The following PRKN variants were observed in gnomAD, a reference collection of about 807,000 sequenced individuals.
The protein encoded by PRKN is parkin RBR E3 ubiquitin protein ligase.
Under a neutral mutation model 59.5 loss-of-function variants are expected in PRKN, and 56 were observed. The observed-to-expected ratio is 0.94, with a 90% CI of 0.76 to 1.18. PRKN has a LOEUF of 1.18. Among genes scored for constraint, PRKN ranks in the 50% most tolerant of loss-of-function variants. The probability of loss-of-function intolerance (pLI) is 0.00; values close to 1 mark genes in which losing one functional copy is unlikely to be tolerated. For synonymous variants in PRKN, 250 were observed against 222.1 expected (o/e 1.13, Z -1.12); for missense variants, 657 against 596.4 (o/e 1.10, Z -1.06).
chr6:162,199,613 T>A (rs2128329697), intron 4 of PRKN, among the ~76,000 whole-genome samples: 1 of 152,254 alleles, frequency 6.6e-6, no homozygotes, highest in African/African-American at 2.4e-5. Context: ...AAGCAACCCC[T>A]CTTGGGGACA....
intron 1 of PRKN, among the ~76,000 whole-genome samples, chr6:162,597,079 G>A (rs1255676446): frequency 2.0e-5 from 3 of 152,054 alleles, no homozygotes; most frequent in Non-Finnish European, 4.4e-5. Context: ...AAAAATAAAC[G>A]AACCATTAAA....
At chr6:162,008,486 G>A (rs1185522020) in intron 5 of PRKN, among the ~76,000 whole-genome samples, 3 of 152,130 alleles carry the variant, frequency 2.0e-5, no homozygotes, top group Non-Finnish European at 2.9e-5. Flanking sequence ...ACAGTGTATC[G>A]AAATGCATCA....
At chr6:161,610,611 C>G (rs779420447) in intron 7 of PRKN, among the ~76,000 whole-genome samples, 3 of 151,544 alleles carry the variant, frequency 2.0e-5, no homozygotes, top group Non-Finnish European at 4.4e-5. Context: ...ACACCTCAAA[C>G]AACCCAGGAT....
At position 162,228,028 on chromosome 6, in the gene PRKN, G is replaced by A. The variant is rs1778257832; in HGVS notation, c.413-26776C>T. On this transcript the variant is annotated intron_variant, in intron 3 of 11. Coordinates refer to ENST00000366898, the MANE Select transcript of PRKN (RefSeq NM_004562.3). The stretch of plus-strand genomic sequence containing the variant: ...TCTCATGTTTGGTGGTGAATGTGCA[G>A]ACACAATGTTTATCGTAGAGAGAAT... Among the ~76,000 whole-genome samples, 4 of 151,956 alleles carry A rather than the reference G, an allele frequency of 2.6e-5. No individual in the cohort carries two copies. The South Asian group carries it at 8.3e-4, about 31-fold the overall frequency.
intron 2 of PRKN, among the ~76,000 whole-genome samples, chr6:162,356,590 G>A (rs1459812793): frequency 2.0e-5 from 3 of 151,034 alleles, no homozygotes; most frequent in Non-Finnish European, 4.4e-5. Context: ...ATCACATAAA[G>A]TTATTTTGAG....
At chr6:162,021,049 G>A (rs1461606545) in intron 5 of PRKN, among the ~76,000 whole-genome samples, 3 of 146,154 alleles carry the variant, frequency 2.1e-5, no homozygotes, top group Non-Finnish European at 3.0e-5. Flanking sequence ...GTTGCAGTGA[G>A]TCGAGATCAT....
chr6:161,493,567 G>C (rs1777635504), intron 9 of PRKN, among the ~76,000 whole-genome samples: 1 of 152,158 alleles, frequency 6.6e-6, no homozygotes, highest in Admixed American at 6.5e-5. Flanking sequence ...GGACTAACGG[G>C]GGTTGCAGCA....
In PRKN at chr6:162,347,169, C is replaced by A. The variant is rs578058367; in HGVS notation, c.172-84404G>T. ...TTTTATTATTTTATTTATCCATTTT[C>A]TTTAGGTTCTTTCTGTTGTCTTTTT... On this transcript the variant is annotated intron_variant, in intron 2 of 11. Coordinates refer to ENST00000366898, the MANE Select transcript of PRKN (RefSeq NM_004562.3). Among the ~76,000 whole-genome samples, 263 of 145,290 alleles carry A rather than the reference C, an allele frequency of 1.8e-3. 2 individuals are homozygous for A. The highest frequency in any genetic ancestry group is 6.3e-3 in the African/African-American group (250 of 39,718).
At chr6:162,463,500 G>GT (rs1424678821) in intron 1 of PRKN, among the ~76,000 whole-genome samples, 1 of 152,168 alleles carries the variant, frequency 6.6e-6, no homozygotes, top group Admixed American at 6.5e-5. Context: ...TCAAAGGGCA[G>GT]AAGTGCTTCC....
chr6:162,497,347 G>A (rs565685575), intron 1 of PRKN, among the ~76,000 whole-genome samples: 16 of 152,236 alleles, frequency 1.1e-4, no homozygotes, highest in East Asian at 3.9e-4. Flanking sequence ...CTACGCTTCC[G>A]GAAATAGGTA....
Position 161,385,420 on chromosome 6 carries a change from T to C in PRKN, c.1167+1374A>G, listed in dbSNP as rs1786197487. ...GAATCCAATATTAAGGTTTTAACAATTTAAAAACATTTAATTTGGGCTACC... is the reference window on the plus strand; with the variant it reads ...GAATCCAATATTAAGGTTTTAACAACTTAAAAACATTTAATTTGGGCTACC... On this transcript the variant is annotated intron_variant, in intron 10 of 11. Transcript: ENST00000366898. This position sits in a 1 kb window ranked among gnomAD's most constrained non-coding sequence, Gnocchi z 4.9. Among the ~76,000 whole-genome samples the C allele has an allele frequency of 6.6e-6, 1 of 152,188 alleles. No homozygotes were observed. The highest frequency in any genetic ancestry group is 1.5e-5 in the Non-Finnish European group (1 of 68,046).
chr6:162,449,821 T>A (rs1212148712), intron 1 of PRKN, among the ~76,000 whole-genome samples: 2 of 152,106 alleles, frequency 1.3e-5, no homozygotes, highest in African/African-American at 2.4e-5. Context: ...TACTATAAAA[T>A]TGGGACTTCA....
chr6:162,366,154 G>A (rs1785425972), intron 2 of PRKN, among the ~76,000 whole-genome samples: 1 of 152,072 alleles, frequency 6.6e-6, no homozygotes, highest in African/African-American at 2.4e-5. Context: ...CAATTTGACA[G>A]GTTATAATAA....
chr6:162,322,694 TA>T (rs1226583088), intron 2 of PRKN, among the ~76,000 whole-genome samples: 1 of 152,072 alleles, frequency 6.6e-6, no homozygotes, highest in Non-Finnish European at 1.5e-5. Context: ...GACGGTCTTT[TA>T]AACAAATGGT....
intron 10 of PRKN, among the ~76,000 whole-genome samples, chr6:161,367,961 C>T (rs1018643604): frequency 3.9e-5 from 6 of 152,118 alleles, no homozygotes; most frequent in Non-Finnish European, 8.8e-5. Flanking sequence ...TGCGAGCAGT[C>T]GGTTCAGAAT....
Position 161,419,140 on chromosome 6 carries a change from A to G in PRKN, c.1084-32263T>C, listed in dbSNP as rs1787976403. ...TGTTCACTAAATGCGTAGCTATGCA[A>G]TGAAAATGGTGAGAATCCTTTACGA... On this transcript the variant is annotated intron_variant, in intron 9 of 11. Transcript: ENST00000366898. This position sits in a 1 kb window ranked among gnomAD's most constrained non-coding sequence, Gnocchi z 4.1. Among the ~76,000 whole-genome samples the G allele has an allele frequency of 6.6e-6, 1 of 152,212 alleles. No individual in the cohort carries two copies. The highest frequency in any genetic ancestry group is 2.4e-5 in the African/African-American group (1 of 41,446).
At chr6:162,236,892 G>C (rs186063364) in intron 3 of PRKN, among the ~76,000 whole-genome samples, 2,058 of 151,388 alleles carry the variant, frequency 0.014, 25 homozygotes, top group Non-Finnish European at 0.02. Context: ...GAGAGAGAGA[G>C]AAGGAGGGAA....
chr6:161,527,570 G>A lies in PRKN; in HGVS notation c.1083+21284C>T, dbSNP rs116514199. On this transcript the variant is annotated intron_variant, in intron 9 of 11. Coordinates refer to ENST00000366898, the MANE Select transcript of PRKN (RefSeq NM_004562.3). The surrounding 1 kb of genome is among the most constrained non-coding windows in gnomAD (Gnocchi z 4.6). ...CTCTCTGCCTGAGGGGTGGAGTGAG[G>A]AACATCTGCCCATGGGTAGTAGCAC... Among the ~76,000 whole-genome samples, 1,406 of 152,256 alleles carry A rather than the reference G, an allele frequency of 9.2e-3. 25 individuals are homozygous for A. Among genetic ancestry groups the A allele is most frequent in the African/African-American group, 0.032 (1,327 of 41,546 alleles).
intron 1 of PRKN, among the ~76,000 whole-genome samples, chr6:162,524,751 T>A (rs1429370779): frequency 2.0e-5 from 3 of 152,178 alleles, no homozygotes; most frequent in African/African-American, 4.8e-5. Flanking sequence ...CAACCCACTT[T>A]TTGATACTAC....
Sources: allele counts gnomAD v4.1 joint callset (sites outside exome capture counted in the v4.1 genomes callset), GRCh38; gene constraint gnomAD v4.1.1; non-coding constraint Gnocchi (gnomAD v3.1); transcripts MANE v1.5; gene names NCBI Gene and HGNC (gene_info 2026-07-23, HGNC 2026-07-21).